The following ODAD2 variants were observed in gnomAD, a reference collection of about 807,000 sequenced individuals.
ODAD2 encodes outer dynein arm-docking complex subunit 2.
A neutral mutation model predicts 106.8 loss-of-function variants in ODAD2; 89 were observed. That is an observed-to-expected ratio of 0.83 (90% CI 0.70 to 0.99). The LOEUF is 0.99. ODAD2 is among the 50% of genes least tolerant of loss of function. ODAD2 has a pLI of 0.00. For missense variants in ODAD2, 1,168 were observed against 1,238.5 expected (o/e 0.94, Z 0.85); for synonymous variants, 404 against 436.2 (o/e 0.93, Z 0.92).
rs1041537065 is a variant in ODAD2 at position 27,862,635 on chromosome 10, A to G, written c.2611-13T>C. The G allele has an allele frequency of 1.9e-6, 3 of 1,583,108 alleles. No individual in the cohort carries two copies. The highest frequency in any genetic ancestry group is 1.4e-5 in the African/African-American group (1 of 73,288). On this transcript the variant is annotated splice_polypyrimidine_tract_variant and intron_variant, in intron 17 of 19. Coordinates refer to ENST00000305242, the MANE Select transcript of ODAD2 (RefSeq NM_018076.5). Reference sequence around the variant, plus strand: ...TTTCCCCAGCATCCTAGACAAAAATAAAAGTAAAGATGGTATCAAAACTAA... The same window carrying G: ...TTTCCCCAGCATCCTAGACAAAAATGAAAGTAAAGATGGTATCAAAACTAA...
intron 17 of ODAD2, among the ~76,000 whole-genome samples, chr10:27,884,026 T>C (rs1841914321): frequency 6.6e-6 from 1 of 151,972 alleles, no homozygotes; most frequent in African/African-American, 2.4e-5. Context: ...GAAAAAATAA[T>C]GGCCAAAAGT....
chr10:27,907,751 C>A lies in ODAD2; in HGVS notation c.2522G>T (p.Arg841Leu). The change falls in exon 17 of 20, where the codon CGT becomes CTT. Residue 841 changes from arginine to leucine, a missense_variant. This residue lies in a region of ODAD2 where 701 missense variants were observed against 712.3 expected (regional missense o/e 0.98). Coordinates refer to ENST00000305242, the MANE Select transcript of ODAD2 (RefSeq NM_018076.5). ...MMIIDRLDGV[R>L]LLWSLLKNPH... ...ATTTTTCAGCAGGGACCACAACAAACGAACTCCATCTAAGCGATCAATTAT... is the reference window on the plus strand; with the variant it reads ...ATTTTTCAGCAGGGACCACAACAAAAGAACTCCATCTAAGCGATCAATTAT... 1 of 1,613,644 alleles carries A rather than the reference C, an allele frequency of 6.2e-7. No individual in the cohort carries two copies. Among genetic ancestry groups the A allele is most frequent in the Non-Finnish European group, 8.5e-7 (1 of 1,179,736 alleles).
intron 10 of ODAD2, among the ~76,000 whole-genome samples, chr10:27,951,283 T>C (rs1847309717): frequency 6.6e-6 from 1 of 152,138 alleles, no homozygotes; most frequent in Non-Finnish European, 1.5e-5. Context: ...CTAAAGATGA[T>C]CTAGAATGAA....
chr10:27,885,749 T>TATATATTTTATATATATTATATAA (rs1842134937), intron 17 of ODAD2, among the ~76,000 whole-genome samples: 1 of 67,838 alleles, frequency 1.5e-5, no homozygotes, highest in Non-Finnish European at 2.6e-5. Context: ...ATGTTATATA[T>TATATATTTTATATATATTATATAA]AATATATATT....
At chr10:27,838,180 T>G (rs1278664358) in intron 19 of ODAD2, among the ~76,000 whole-genome samples, 1 of 152,230 alleles carries the variant, frequency 6.6e-6, no homozygotes, top group African/African-American at 2.4e-5. Flanking sequence ...AGGATTGCTG[T>G]TTTCAAGGGA....
intron 10 of ODAD2, among the ~76,000 whole-genome samples, chr10:27,954,369 C>T (rs971554790): frequency 3.4e-4 from 52 of 152,214 alleles, no homozygotes; most frequent in African/African-American, 1.2e-3. Flanking sequence ...AGATCTACTA[C>T]ATAAAGCTGC....
At chr10:27,931,555 A>G (rs1318390213) in intron 16 of ODAD2, among the ~76,000 whole-genome samples, 1 of 150,848 alleles carries the variant, frequency 6.6e-6, no homozygotes, top group Non-Finnish European at 1.5e-5. Flanking sequence ...TTTCCATTTT[A>G]TTGTTTCAAA....
At chr10:27,842,743 C>T (rs1838404645) in intron 19 of ODAD2, among the ~76,000 whole-genome samples, 1 of 152,076 alleles carries the variant, frequency 6.6e-6, no homozygotes, top group African/African-American at 2.4e-5. Flanking sequence ...AAATTCTGAA[C>T]AAACAAAATA....
At chr10:27,838,424 G>A (rs989091320) in intron 19 of ODAD2, among the ~76,000 whole-genome samples, 14 of 152,294 alleles carry the variant, frequency 9.2e-5, no homozygotes, top group African/African-American at 3.4e-4. Flanking sequence ...ATTTCAGAAA[G>A]TGAGAACAAA....
At chr10:27,873,739 G>A (rs1001957877) in intron 17 of ODAD2, among the ~76,000 whole-genome samples, 9 of 152,124 alleles carry the variant, frequency 5.9e-5, no homozygotes, top group African/African-American at 2.2e-4. Flanking sequence ...TATAATTTCT[G>A]TTCTTTTACA....
At chr10:27,820,952 G>T (rs372065935) in intron 19 of ODAD2, among the ~76,000 whole-genome samples, 3 of 151,820 alleles carry the variant, frequency 2.0e-5, no homozygotes, top group East Asian at 1.9e-4. Flanking sequence ...GGCTAATTTT[G>T]CATTTTTAGT....
At chr10:27,884,653 G>C (rs1049816183) in intron 17 of ODAD2, among the ~76,000 whole-genome samples, 1 of 152,118 alleles carries the variant, frequency 6.6e-6, no homozygotes, top group African/African-American at 2.4e-5. Flanking sequence ...AGCAAGGGTA[G>C]ATACTGTGGC....
intron 17 of ODAD2, among the ~76,000 whole-genome samples, chr10:27,903,590 C>T (rs1843367456): frequency 6.6e-6 from 1 of 152,210 alleles, no homozygotes; most frequent in Non-Finnish European, 1.5e-5. Flanking sequence ...TGATAACCAA[C>T]TTCAGCAAAG....
chr10:27,894,524 G>C (rs1022028107), intron 17 of ODAD2, among the ~76,000 whole-genome samples: 1 of 151,740 alleles, frequency 6.6e-6, no homozygotes, highest in Non-Finnish European at 1.5e-5. Flanking sequence ...TTTTACCAAA[G>C]GGTCAGCAGT....
intron 9 of ODAD2, among the ~76,000 whole-genome samples, chr10:27,966,561 G>A (rs1378357542): frequency 6.6e-6 from 1 of 151,868 alleles, no homozygotes; most frequent in Admixed American, 6.6e-5. Context: ...CTGTCCCATC[G>A]CAACTGCATA....
At chr10:27,847,589 A>C (rs1336281851) in intron 19 of ODAD2, among the ~76,000 whole-genome samples, 1 of 152,130 alleles carries the variant, frequency 6.6e-6, no homozygotes, top group Non-Finnish European at 1.5e-5. Context: ...AGGCAGGAGA[A>C]AGAAATAAAG....
intron 16 of ODAD2, among the ~76,000 whole-genome samples, chr10:27,920,411 C>A (rs914341532): frequency 2.6e-5 from 4 of 152,122 alleles, no homozygotes; most frequent in African/African-American, 7.2e-5. Context: ...CCCATTCTTT[C>A]ATCTATTAAT....
In ODAD2 at chr10:27,967,501, G is replaced by A. The variant is rs1431269109; in HGVS notation, c.1238+1422C>T. On this transcript the variant is annotated intron_variant, in intron 9 of 19. Coordinates refer to ENST00000305242, the MANE Select transcript of ODAD2 (RefSeq NM_018076.5). ...CCTGACCCCCCAGGCATCAGTGAAG[G>A]CCTATGGGAAAACCTGCTATTTCAA... 5.9e-5 allele frequency among the ~76,000 whole-genome samples: 9 copies of A among 152,160 alleles called. No individual in the cohort carries two copies. In the East Asian group the frequency reaches 1.7e-3, roughly 29 times the overall value.
intron 16 of ODAD2, among the ~76,000 whole-genome samples, chr10:27,919,905 A>G (rs1425091374): frequency 1.3e-5 from 2 of 152,172 alleles, no homozygotes; most frequent in Non-Finnish European, 2.9e-5. Context: ...ACAATTATGA[A>G]AACTCACTAA....
Sources: gnomAD v4.1 joint callset for allele counts (sites outside exome capture counted in the v4.1 genomes callset) on GRCh38, gnomAD v4.1.1 for gene constraint, gnomAD v4.1.1 regional missense constraint, MANE v1.5 for transcripts, NCBI Gene and HGNC (gene_info 2026-07-23, HGNC 2026-07-21) for gene names.